MMS22L: variants seen among roughly 807,000 people sequenced by gnomAD.
MMS22L encodes the protein protein MMS22-like.
MMS22L carries 74 observed loss-of-function variants against 159.1 expected under a neutral mutation model. That is an observed-to-expected ratio of 0.47 (90% CI 0.39 to 0.56). The LOEUF (loss-of-function observed/expected upper bound fraction) is 0.56. MMS22L is among the 20% of genes least tolerant of loss of function. The pLI, the probability that MMS22L is intolerant of heterozygous loss-of-function variation, is 0.00. For synonymous variants in MMS22L, 517 were observed against 506.9 expected, an observed-to-expected ratio of 1.02 and a Z score of -0.27; for missense variants, 1,351 against 1,422.1, an observed-to-expected ratio of 0.95 and a Z score of 0.80.
In MMS22L at chr6:97,228,985, T is replaced by G; in HGVS notation, c.1948A>C (p.Asn650His). The change falls in exon 14 of 25, where the codon AAT (asparagine) becomes CAT (histidine). Residue 650 changes from asparagine (N) to histidine (H), a missense_variant. Transcript: ENST00000683635. ...CLYPSHEKLL[N>H]DGFSMLLRAC... ...CGCAGAAGCATACTAAATCCATCAT[T>G]AAGCAGTTTTTCATGGGAAGGATAC... 1 of 1,614,138 alleles carries G rather than the reference T, an allele frequency of 6.2e-7. No homozygotes were observed. Among genetic ancestry groups the G allele is most frequent in the Non-Finnish European group, 8.5e-7 (1 of 1,180,006 alleles).
Position 97,179,481 on chromosome 6 carries a change from AAC to A in MMS22L, c.2461_2462del (p.Val821PhefsTer6), listed in dbSNP as rs748621301. 1 of 1,613,780 alleles carries A rather than the reference AAC, an allele frequency of 6.2e-7. No individual in the cohort carries two copies. The highest frequency in any genetic ancestry group is 1.7e-5 in the Admixed American group (1 of 60,002). ...AGAGGTTTTTAATATACATTTGCAA[AAC>A]ACAACGAATCCATGATCTTACGGTT... ...ALTVRSWIRC[V>X]LQMYIKNLSG... On this transcript the variant is annotated frameshift_variant, in exon 17 of 25. Coordinates refer to ENST00000683635, the MANE Select transcript of MMS22L (RefSeq NM_001350599.2). LOFTEE classifies it high-confidence loss of function.
intron 19 of MMS22L, among the ~76,000 whole-genome samples, chr6:97,168,582 C>T (rs961959550): frequency 2.6e-5 from 4 of 152,008 alleles, no homozygotes; most frequent in African/African-American, 4.8e-5. Flanking sequence ...AAGAAATGCT[C>T]ATTAGACCAT....
In MMS22L at chr6:97,222,134, C is replaced by A. The variant is rs578161055; in HGVS notation, c.2039+6760G>T. On this transcript the variant is annotated intron_variant, in intron 14 of 24. Transcript: ENST00000683635. Reference sequence around the variant, plus strand: ...GTTCTCTTACAGAAGCAAAGAAAAACCAAAAATCTTTGGGGAGAATAAATA... The same window carrying A: ...GTTCTCTTACAGAAGCAAAGAAAAAACAAAAATCTTTGGGGAGAATAAATA... Among the ~76,000 whole-genome samples the A allele has an allele frequency of 2.4e-3, 358 of 151,974 alleles. 4 individuals are homozygous for A. The highest frequency in any genetic ancestry group is 8.1e-3 in the African/African-American group (337 of 41,494).
At chr6:97,281,182 A>C in intron 3 of MMS22L, 55 bp downstream of exon 3, 1 of 1,532,632 alleles carries the variant, frequency 6.5e-7, no homozygotes, top group Non-Finnish European at 8.8e-7. Flanking sequence ...CCAACAACGT[A>C]ATTTACAAAA....
Position 97,282,487 on chromosome 6 carries a change from C to T in MMS22L, c.-10G>A, listed in dbSNP as rs758644230. ...CAGAACAGTTCTCCATTGTTTACTT[C>T]ATGTTCTGAAACACTTGGGGTTCGT... is the stretch of plus-strand genomic sequence containing the variant. On this transcript the variant is annotated 5_prime_UTR_variant, in exon 2 of 25. An upstream start codon of the reference 5' UTR is lost. Transcript: ENST00000683635. The T allele has an allele frequency of 2.6e-6, 4 of 1,558,074 alleles. No homozygotes were observed. The highest frequency in any genetic ancestry group is 1.1e-5 in the South Asian group (1 of 89,960).
intron 9 of MMS22L, among the ~76,000 whole-genome samples, chr6:97,256,571 A>C (rs988594920): frequency 2.6e-5 from 4 of 152,218 alleles, no homozygotes; most frequent in African/African-American, 7.2e-5. Flanking sequence ...TAGGTTGACA[A>C]ATATTGTTTT....
At chr6:97,199,710 T>TC (rs1562450252) in intron 14 of MMS22L, among the ~76,000 whole-genome samples, 1 of 152,032 alleles carries the variant, frequency 6.6e-6, no homozygotes. Context: ...TTTTTTTTTT[T>TC]CTTTTTGGAT....
intron 15 of MMS22L, among the ~76,000 whole-genome samples, chr6:97,184,109 T>C (rs1196847267): frequency 6.6e-6 from 1 of 152,178 alleles, no homozygotes; most frequent in Non-Finnish European, 1.5e-5. Context: ...TTCCCTCTTA[T>C]TAAATCCAAT....
At chr6:97,282,211 C>T in intron 2 of MMS22L, 103 bp downstream of exon 2, 1 of 1,190,488 alleles carries the variant, frequency 8.4e-7, no homozygotes, top group Non-Finnish European at 1.2e-6. Flanking sequence ...ATTTATAAAA[C>T]ACGACTTGGT....
At chr6:97,218,187 T>C (rs889063756) in intron 14 of MMS22L, among the ~76,000 whole-genome samples, 2 of 152,162 alleles carry the variant, frequency 1.3e-5, no homozygotes, top group Non-Finnish European at 2.9e-5. Context: ...ACCTTTCAAC[T>C]GGGAAGAACA....
intron 18 of MMS22L, among the ~76,000 whole-genome samples, chr6:97,176,462 C>A (rs116203114): frequency 3.3e-5 from 5 of 152,102 alleles, no homozygotes; most frequent in Non-Finnish European, 7.4e-5. Context: ...AAGACTGCTA[C>A]TCTTAAAATG....
At chr6:97,183,225 C>A (rs1482319714) in intron 15 of MMS22L, among the ~76,000 whole-genome samples, 1 of 152,102 alleles carries the variant, frequency 6.6e-6, no homozygotes. Flanking sequence ...ATCCTACAAC[C>A]ATTTCCTCAT....
intron 18 of MMS22L, among the ~76,000 whole-genome samples, chr6:97,175,785 G>A (rs1254251726): frequency 6.6e-6 from 1 of 152,174 alleles, no homozygotes; most frequent in East Asian, 1.9e-4. Flanking sequence ...TTTCTTGAAA[G>A]CTTGAATTAT....
intron 18 of MMS22L, among the ~76,000 whole-genome samples, chr6:97,174,075 A>G (rs1803855390): frequency 6.6e-6 from 1 of 151,940 alleles, no homozygotes; most frequent in African/African-American, 2.4e-5. Context: ...CAACATGGTG[A>G]AACCCCATCT....
intron 18 of MMS22L, among the ~76,000 whole-genome samples, chr6:97,173,895 TAAGC>T (rs1803829383): frequency 2.0e-5 from 3 of 151,890 alleles, no homozygotes; most frequent in South Asian, 4.2e-4. Flanking sequence ...AAGGTTAGAA[TAAGC>T]AAGGGGTGAA....
chr6:97,215,246 A>G (rs1364861942), intron 14 of MMS22L, among the ~76,000 whole-genome samples: 1 of 151,974 alleles, frequency 6.6e-6, no homozygotes, highest in African/African-American at 2.4e-5. Flanking sequence ...AGGAGGCAGC[A>G]ATGACTGGCT....
chr6:97,179,635 C>A, intron 16 of MMS22L, 76 bp from the exon 17 acceptor site: 1 of 1,314,632 alleles, frequency 7.6e-7, no homozygotes, highest in Non-Finnish European at 1.0e-6. Flanking sequence ...TAAAGAAAAA[C>A]ATTCTAACAT....
Position 97,186,688 on chromosome 6 carries a change from C to T in MMS22L, c.2042G>A (p.Ser681Asn). 1.3e-6 allele frequency: 2 copies of T among 1,527,610 alleles called. No homozygotes were observed. The highest frequency in any genetic ancestry group is 1.8e-6 in the Non-Finnish European group (2 of 1,137,424). The allele number at this position is 1,527,610 out of a possible 1,614,324, so 94.6% of individuals were successfully genotyped here. ...TTCCTGACACAATTGTTGATGCATA[C>T]TCCTAAAAAGAAATAAAAATACAGC... ...FLQAVLARIRSMHQQLCQELQ... is the reference protein window; with the variant it reads ...FLQAVLARIRNMHQQLCQELQ... Residue 681 changes from serine to asparagine, a missense_variant and splice_region_variant, in exon 15 of 25, where the codon AGT becomes AAT. Coordinates refer to ENST00000683635, the MANE Select transcript of MMS22L (RefSeq NM_001350599.2).
chr6:97,254,790 C>T (rs945722442), intron 9 of MMS22L, 57 bp from the exon 10 acceptor site: 235 of 1,384,488 alleles, frequency 1.7e-4, no homozygotes, highest in Middle Eastern at 7.6e-4. Flanking sequence ...CCTTTGATTT[C>T]GTGGTTTTTC....
Sources: allele counts gnomAD v4.1 joint callset (sites outside exome capture counted in the v4.1 genomes callset), GRCh38; gene constraint gnomAD v4.1.1; transcripts MANE v1.5; gene names NCBI Gene and HGNC (gene_info 2026-07-23, HGNC 2026-07-21).